The following SNRNP48 variants were observed in gnomAD, a reference collection of about 807,000 sequenced individuals.
SNRNP48 encodes U11/U12 small nuclear ribonucleoprotein 48 kDa protein.
SNRNP48 carries 43 observed loss-of-function variants against 47.0 expected under a neutral mutation model. That is an observed-to-expected ratio of 0.92 (90% CI 0.72 to 1.18). The LOEUF is 1.18. Ranked by LOEUF, SNRNP48 falls within the 50% of genes most tolerant of loss-of-function variation. SNRNP48 has a pLI of 0.00. For missense variants in SNRNP48, 396 were observed against 422.2 expected (o/e 0.94, Z 0.54); for synonymous variants, 138 against 144.0 (o/e 0.96, Z 0.30).
chr6:7,595,166 A>G, intron 4 of SNRNP48, 65 bp downstream of exon 4: 1 of 1,383,752 alleles, frequency 7.2e-7, no homozygotes, highest in Non-Finnish European at 9.8e-7. Context: ...TAAGCATGTT[A>G]CTAATTTTCT....
rs747107178 is a variant in SNRNP48 at position 7,593,800 on chromosome 6, A to G, written c.223A>G (p.Met75Val). ...GCCTAAATCATCTTTGGCAAAGCACATGGCATCTTGTAGATTGAGGAAAAT... is the reference window on the plus strand; with the variant it reads ...GCCTAAATCATCTTTGGCAAAGCACGTGGCATCTTGTAGATTGAGGAAAAT... ...HMPKSSLAKH[M>V]ASCRLRKMGY... Residue 75 changes from methionine to valine, a missense_variant, in exon 2 of 9, where the codon ATG becomes GTG. Transcript: ENST00000342415. The G allele has an allele frequency of 8.8e-6, 14 of 1,599,732 alleles. No homozygotes were observed. The highest frequency in any genetic ancestry group is 1.7e-5 in the Admixed American group (1 of 58,554).
chr6:7,590,549 C>T (rs1403992643), intron 1 of SNRNP48, 136 bp downstream of exon 1: 50 of 1,068,354 alleles, frequency 4.7e-5, no homozygotes, highest in Non-Finnish European at 5.8e-5. Flanking sequence ...CGATGGGCGC[C>T]TGGGACCCGA....
intron 4 of SNRNP48, among the ~76,000 whole-genome samples, chr6:7,599,401 A>C (rs964001429): frequency 3.3e-5 from 5 of 152,144 alleles, no homozygotes; most frequent in African/African-American, 1.2e-4. Flanking sequence ...ACACTGAAAA[A>C]ATGGTTAGAA....
At chr6:7,594,831 C>T (rs1759874567) in intron 3 of SNRNP48, among the ~76,000 whole-genome samples, 196 bp from the exon 4 acceptor site, 1 of 152,150 alleles carries the variant, frequency 6.6e-6, no homozygotes, top group Non-Finnish European at 1.5e-5. Context: ...TGCTTGAAGT[C>T]TGATTACTTA....
chr6:7,596,375 G>A (rs937042707), intron 4 of SNRNP48, among the ~76,000 whole-genome samples: 1 of 152,130 alleles, frequency 6.6e-6, no homozygotes, highest in Non-Finnish European at 1.5e-5. Flanking sequence ...AAGGATTTCT[G>A]CATTGTCTTC....
chr6:7,607,968 A>G (rs773024831), intron 8 of SNRNP48, among the ~76,000 whole-genome samples: 2 of 152,242 alleles, frequency 1.3e-5, no homozygotes, highest in South Asian at 4.1e-4. Flanking sequence ...CTGTTTTATA[A>G]TAACTATAGT....
chr6:7,606,282 A>C, intron 8 of SNRNP48, 87 bp downstream of exon 8: 1 of 1,304,698 alleles, frequency 7.7e-7, no homozygotes, highest in Non-Finnish European at 1.0e-6. Context: ...ATGCTGAGAA[A>C]ATAGATTTTA....
intron 8 of SNRNP48, among the ~76,000 whole-genome samples, chr6:7,608,090 A>G (rs1760165445): frequency 6.6e-6 from 1 of 152,234 alleles, no homozygotes; most frequent in Non-Finnish European, 1.5e-5. Flanking sequence ...AAGAAGATAA[A>G]CTGGATATAA....
At chr6:7,603,746 A>G (rs1402973260) in intron 6 of SNRNP48, among the ~76,000 whole-genome samples, 3 of 152,292 alleles carry the variant, frequency 2.0e-5, no homozygotes, top group Non-Finnish European at 4.4e-5. Context: ...TTTTACAGTT[A>G]AAATCTGTGT....
At chr6:7,597,865 C>CTTTT (rs148304945) in intron 4 of SNRNP48, among the ~76,000 whole-genome samples, 1 of 123,408 alleles carries the variant, frequency 8.1e-6, no homozygotes, top group Non-Finnish European at 1.7e-5. Flanking sequence ...TAACCGTAAC[C>CTTTT]TTTTTTTTTT....
In SNRNP48 at chr6:7,601,198, T is replaced by C. The variant is rs1368902824; in HGVS notation, c.407-138T>C. The C allele has an allele frequency of 1.7e-5, 10 of 589,376 alleles. No homozygotes were observed. In the East Asian group the frequency reaches 2.7e-4, roughly 16 times the overall value. 36.5% of individuals were successfully genotyped at this position (589,376 alleles called of 1,614,324 possible). ...TTGTCATTTATTGCTTAGATTGATATTTTGTATACTTAGGGATTATGAAAA... is the reference window on the plus strand; with the variant it reads ...TTGTCATTTATTGCTTAGATTGATACTTTGTATACTTAGGGATTATGAAAA... On this transcript the variant is annotated intron_variant, in intron 4 of 8. Coordinates refer to ENST00000342415, the MANE Select transcript of SNRNP48 (RefSeq NM_152551.4).
chr6:7,605,962 TG>T, intron 7 of SNRNP48, 68 bp from the exon 8 acceptor site: 1 of 1,447,146 alleles, frequency 6.9e-7, no homozygotes, highest in Non-Finnish European at 9.3e-7. Context: ...TTTAGACTGG[TG>T]TGTCTGTGTA....
At chr6:7,608,637 G>A (rs1042262671) in intron 8 of SNRNP48, among the ~76,000 whole-genome samples, 188 bp from the exon 9 acceptor site, 9 of 151,886 alleles carry the variant, frequency 5.9e-5, no homozygotes, top group African/African-American at 1.7e-4. Flanking sequence ...TTTTAATTAC[G>A]CTTTGAAATT....
rs1279072602 is a variant in SNRNP48, at chr6:7,590,215, G to A, written c.-43G>A. 11 of 1,273,776 alleles carry A rather than the reference G, an allele frequency of 8.6e-6. No homozygotes were observed. The highest frequency in any genetic ancestry group is 3.0e-4 in the Middle Eastern group (1 of 3,296). 78.9% of individuals were successfully genotyped at this position (1,273,776 alleles called of 1,614,324 possible). A position where few individuals can be genotyped will look rare whatever the true frequency, so the allele number is the denominator to read the frequency against. On this transcript the variant is annotated 5_prime_UTR_variant, in exon 1 of 9. Transcript: ENST00000342415. Reference sequence around the variant, plus strand: ...CAGCTCCCAGAGGCCTGCGCGTGCGGTCTGCAGTTCGGCCGCTTCCTCTTG... The same window carrying A: ...CAGCTCCCAGAGGCCTGCGCGTGCGATCTGCAGTTCGGCCGCTTCCTCTTG...
rs35999016 is a variant in SNRNP48, at chr6:7,605,008, ACTCTCT to A, written c.718-377_718-372del. ...TTTTGCCACATAGCTTCTCATTGGC[ACTCTCT>A]CTCTCTCTCTCTGCACATTTTTCAC... On this transcript the variant is annotated intron_variant, in intron 6 of 8. Transcript: ENST00000342415. 1.4e-4 allele frequency among the ~76,000 whole-genome samples: 21 copies of A among 148,156 alleles called. 1 individual carries two copies. Among genetic ancestry groups the A allele is most frequent in the Admixed American group, 6.8e-4 (10 of 14,802 alleles).
At chr6:7,598,066 A>C (rs1032437526) in intron 4 of SNRNP48, among the ~76,000 whole-genome samples, 1 of 151,454 alleles carries the variant, frequency 6.6e-6, no homozygotes, top group Non-Finnish European at 1.5e-5. Context: ...ACGGGGTTTC[A>C]CTGTGTTAGC....
chr6:7,603,909 C>A (rs570546361), intron 6 of SNRNP48, among the ~76,000 whole-genome samples: 7 of 152,110 alleles, frequency 4.6e-5, no homozygotes, highest in Admixed American at 1.3e-4. Flanking sequence ...GCATTCTTTA[C>A]GGTTTTATAG....
At position 7,610,603 on chromosome 6, in the gene SNRNP48, G is replaced by GT. The variant is rs935540055; in HGVS notation, c.*1736dup. ...AGAAGAGTAAAATTGGCATATTTAG[G>GT]TTTTTTGTAGAAGAAAGATACAAGT... On this transcript the variant is annotated 3_prime_UTR_variant, in exon 9 of 9. Transcript: ENST00000342415. 3 of 152,148 alleles carry GT rather than the reference G, an allele frequency of 2.0e-5. No individual in the cohort carries two copies. The highest frequency in any genetic ancestry group is 2.9e-5 in the Non-Finnish European group (2 of 68,022). 9.4% of individuals were successfully genotyped at this position (152,148 alleles called of 1,614,324 possible).
chr6:7,599,914 A>C, intron 4 of SNRNP48: 1 of 995,486 alleles, frequency 1.0e-6, no homozygotes, highest in Non-Finnish European at 1.2e-6. Flanking sequence ...AAAATAATTT[A>C]AGAAGGAAAT....
Sources: gnomAD v4.1 joint callset for allele counts (sites outside exome capture counted in the v4.1 genomes callset) on GRCh38, gnomAD v4.1.1 for gene constraint, MANE v1.5 for transcripts, NCBI Gene and HGNC (gene_info 2026-07-23, HGNC 2026-07-21) for gene names.